The following DNAJC15 variants were observed in gnomAD, a reference collection of about 807,000 sequenced individuals.
The protein encoded by DNAJC15 is dnaJ homolog subfamily C member 15.
DNAJC15 carries 27 observed loss-of-function variants against 22.4 expected under a neutral mutation model. That is an observed-to-expected ratio of 1.20 (90% CI 0.89 to 1.66). The LOEUF is 1.66. Ranked by LOEUF, DNAJC15 falls within the 40% of genes most tolerant of loss-of-function variation. The pLI is 0.00. For synonymous variants in DNAJC15, 79 were observed against 63.2 expected, an observed-to-expected ratio of 1.25 and a Z score of -1.19; for missense variants, 208 against 187.1, an observed-to-expected ratio of 1.11 and a Z score of -0.65.
intron 5 of DNAJC15, among the ~76,000 whole-genome samples, chr13:43,092,800 G>C (rs1202930792): frequency 6.6e-6 from 1 of 152,162 alleles, no homozygotes; most frequent in Non-Finnish European, 1.5e-5. Flanking sequence ...AGTTGTTCCA[G>C]CTACTTGTGA....
intron 5 of DNAJC15, among the ~76,000 whole-genome samples, chr13:43,104,586 G>T (rs1232390981): frequency 2.6e-5 from 4 of 152,094 alleles, no homozygotes; most frequent in Non-Finnish European, 2.9e-5. Flanking sequence ...AAATACTAAG[G>T]GTGAAGGTGA....
chr13:43,043,798 G>C (rs538088220), intron 1 of DNAJC15, among the ~76,000 whole-genome samples: 3 of 152,134 alleles, frequency 2.0e-5, no homozygotes, highest in Non-Finnish European at 4.4e-5. Flanking sequence ...AGTTAGCTTT[G>C]CCTTTCTTTT....
At chr13:43,055,962 AC>A (rs1400402726) in intron 1 of DNAJC15, among the ~76,000 whole-genome samples, 1 of 152,154 alleles carries the variant, frequency 6.6e-6, no homozygotes, top group South Asian at 2.1e-4. Context: ...CAGTTCAAAT[AC>A]TTTTTTATTT....
At chr13:43,047,857 A>G (rs2040485069) in intron 1 of DNAJC15, among the ~76,000 whole-genome samples, 1 of 152,188 alleles carries the variant, frequency 6.6e-6, no homozygotes, top group Non-Finnish European at 1.5e-5. Flanking sequence ...ATTAATGATG[A>G]GGAAGATGAT....
At chr13:43,029,328 G>A (rs1409495316) in intron 1 of DNAJC15, among the ~76,000 whole-genome samples, 2 of 152,194 alleles carry the variant, frequency 1.3e-5, no homozygotes, top group African/African-American at 4.8e-5. Context: ...CCCCTCTTGT[G>A]AGGAGGAAGA....
intron 1 of DNAJC15, among the ~76,000 whole-genome samples, chr13:43,046,191 A>T (rs2040476394): frequency 6.6e-6 from 1 of 151,940 alleles, no homozygotes; most frequent in African/African-American, 2.4e-5. Flanking sequence ...TTTACCAGAC[A>T]TAAGGTCCTA....
chr13:43,097,202 TTCTC>T (rs1163439695), intron 5 of DNAJC15, among the ~76,000 whole-genome samples: 1 of 152,278 alleles, frequency 6.6e-6, no homozygotes, highest in South Asian at 2.1e-4. Context: ...TTCTTAGAAA[TTCTC>T]TCTAAGGAGA....
chr13:43,071,733 A>G (rs4528467), intron 3 of DNAJC15, among the ~76,000 whole-genome samples: 151,096 of 152,304 alleles, frequency 0.99, 74,944 homozygotes, highest in East Asian at 1. Context: ...GTCATTCAAA[A>G]AAGATTGTCC....
intron 5 of DNAJC15, among the ~76,000 whole-genome samples, chr13:43,093,048 A>T (rs1315272960): frequency 6.6e-6 from 1 of 152,196 alleles, no homozygotes; most frequent in Non-Finnish European, 1.5e-5. Context: ...TTTCCAGTTC[A>T]TTGTTCTTTC....
chr13:43,051,659 G>GTGTATA (rs1272714875), intron 1 of DNAJC15, among the ~76,000 whole-genome samples: 1 of 102,596 alleles, frequency 9.7e-6, no homozygotes, highest in East Asian at 2.6e-4. Flanking sequence ...GTGTGTGTGT[G>GTGTATA]TGTATATATA....
At chr13:43,035,361 G>T (rs1411687500) in intron 1 of DNAJC15, among the ~76,000 whole-genome samples, 2 of 152,066 alleles carry the variant, frequency 1.3e-5, no homozygotes, top group Non-Finnish European at 2.9e-5. Context: ...CCTGTCTCTG[G>T]GTATAAGGTT....
At chr13:43,040,895 A>G (rs1260769695) in intron 1 of DNAJC15, among the ~76,000 whole-genome samples, 1 of 152,202 alleles carries the variant, frequency 6.6e-6, no homozygotes, top group African/African-American at 2.4e-5. Flanking sequence ...AAAGAGCAGT[A>G]TTGCTGCCCG....
intron 5 of DNAJC15, 86 bp from the exon 6 acceptor site, chr13:43,107,092 C>CA: frequency 9.4e-7 from 1 of 1,063,748 alleles, no homozygotes; most frequent in Non-Finnish European, 1.3e-6. Context: ...AGACAATATT[C>CA]AAAAAAGAGT....
chr13:43,040,222 A>G (rs1396634138), intron 1 of DNAJC15, among the ~76,000 whole-genome samples: 2 of 152,226 alleles, frequency 1.3e-5, no homozygotes, highest in South Asian at 2.1e-4. Flanking sequence ...GACATGTGCC[A>G]GCCATCAAGA....
rs61733777 is a variant in DNAJC15, at chr13:43,068,990, A to G, written c.221A>G (p.Lys74Arg). 2.3e-5 allele frequency: 37 copies of G among 1,612,674 alleles called. 2 individuals carry two copies. The Admixed American group carries it at 3.8e-4, about 17-fold the overall frequency. Residue 74 changes from lysine to arginine, a missense_variant, in exon 3 of 6, where the codon AAG (lysine) becomes AGG (arginine). Lys to Arg is a conservative substitution (Grantham distance 26, BLOSUM62 2). Transcript: ENST00000379221. ...LEQVITETAK[K>R]ISTPSFSSYY... The stretch of plus-strand genomic sequence containing the variant: ...CAAGTTATCACAGAAACTGCAAAGA[A>G]GATTTCAACTCCTGTAAGTTAAACG...
At chr13:43,047,362 A>T (rs1267731032) in intron 1 of DNAJC15, among the ~76,000 whole-genome samples, 1 of 152,150 alleles carries the variant, frequency 6.6e-6, no homozygotes, top group Non-Finnish European at 1.5e-5. Flanking sequence ...AGTACTGAAG[A>T]GTTTTGTTTG....
chr13:43,108,722 T>C lies in DNAJC15; in HGVS notation c.*1474T>C, dbSNP rs1172381607. ...TAAAGACTAGTCGTTTCTCATCAGT[T>C]GTGACAACAAAAATGGTTCCAGATA... On this transcript the variant is annotated 3_prime_UTR_variant, in exon 6 of 6. Coordinates refer to ENST00000379221, the MANE Select transcript of DNAJC15 (RefSeq NM_013238.3). 1 of 152,138 alleles carries C rather than the reference T, an allele frequency of 6.6e-6. No individual in the cohort carries two copies. Among genetic ancestry groups the C allele is most frequent in the Non-Finnish European group, 1.5e-5 (1 of 68,030 alleles). 9.4% of individuals were successfully genotyped at this position (152,138 alleles called of 1,614,324 possible).
chr13:43,101,271 T>C (rs899139528), intron 5 of DNAJC15, among the ~76,000 whole-genome samples: 1 of 152,282 alleles, frequency 6.6e-6, no homozygotes, highest in African/African-American at 2.4e-5. Context: ...CAAGTGATCC[T>C]CCTGCCCCAG....
At chr13:43,106,005 A>C (rs2040795068) in intron 5 of DNAJC15, among the ~76,000 whole-genome samples, 1 of 152,176 alleles carries the variant, frequency 6.6e-6, no homozygotes, top group African/African-American at 2.4e-5. Flanking sequence ...TCAAGGGCAA[A>C]GAGGTAAATA....
Sources: gnomAD v4.1 joint callset for allele counts (sites outside exome capture counted in the v4.1 genomes callset) on GRCh38, gnomAD v4.1.1 for gene constraint, MANE v1.5 for transcripts, NCBI Gene and HGNC (gene_info 2026-07-23, HGNC 2026-07-21) for gene names.